The following EPYC variants were observed in gnomAD, a reference collection of about 807,000 sequenced individuals.
The protein encoded by EPYC is epiphycan.
EPYC carries 28 observed loss-of-function variants against 30.1 expected under a neutral mutation model. That is an observed-to-expected ratio of 0.93 (90% CI 0.69 to 1.28). The LOEUF (loss-of-function observed/expected upper bound fraction) is 1.28, where lower values mean the gene tolerates loss of function less well. Among genes scored for constraint, EPYC ranks in the 50% most tolerant of loss-of-function variants. The pLI is 0.00. For synonymous variants in EPYC, 144 were observed against 141.4 expected (o/e 1.02, Z -0.13); for missense variants, 382 against 383.5 (o/e 1.00, Z 0.03).
chr12:90,982,426 T>A (rs574131750), intron 2 of EPYC, among the ~76,000 whole-genome samples: 1 of 152,048 alleles, frequency 6.6e-6, no homozygotes, highest in Non-Finnish European at 1.5e-5. Flanking sequence ...TCTACAACCA[T>A]TAACAGCCAT....
intron 2 of EPYC, among the ~76,000 whole-genome samples, chr12:90,980,368 A>G (rs1877297220): frequency 1.3e-5 from 2 of 152,202 alleles, no homozygotes; most frequent in Non-Finnish European, 2.9e-5. Flanking sequence ...TTCCTTGCAA[A>G]TAAAACATAA....
intron 2 of EPYC, among the ~76,000 whole-genome samples, chr12:90,981,738 T>G (rs1770310679): frequency 6.6e-6 from 1 of 152,074 alleles, no homozygotes; most frequent in Admixed American, 6.6e-5. Flanking sequence ...ATCCACTGAG[T>G]CCTTTTAGTA....
intron 2 of EPYC, among the ~76,000 whole-genome samples, chr12:90,993,303 G>A (rs943205537): frequency 1.1e-4 from 16 of 152,102 alleles, no homozygotes; most frequent in Non-Finnish European, 1.5e-5. Flanking sequence ...GTGACTGATG[G>A]CATAGTTTAT....
In EPYC at chr12:90,991,157, A is replaced by C. The variant is rs996472282; in HGVS notation, c.165+11244T>G. On this transcript the variant is annotated intron_variant, in intron 2 of 6. Transcript: ENST00000261172. Reference sequence around the variant, plus strand: ...AATGGAGTATATAATATATATTTGCATACATGCTATTTAACTCTTTAAAGC... The same window carrying C: ...AATGGAGTATATAATATATATTTGCCTACATGCTATTTAACTCTTTAAAGC... Among the ~76,000 whole-genome samples the C allele has an allele frequency of 3.9e-5, 6 of 152,274 alleles. No homozygotes were observed. In the East Asian group the frequency reaches 9.6e-4, roughly 24 times the overall value.
chr12:90,983,253 G>A (rs1877363729), intron 2 of EPYC, among the ~76,000 whole-genome samples: 1 of 152,116 alleles, frequency 6.6e-6, no homozygotes, highest in Non-Finnish European at 1.5e-5. Flanking sequence ...CCTAAGCAAA[G>A]GCTACCATGA....
intron 2 of EPYC, among the ~76,000 whole-genome samples, chr12:90,996,294 T>C (rs1399553100): frequency 1.3e-5 from 2 of 151,910 alleles, no homozygotes; most frequent in Non-Finnish European, 1.5e-5. Flanking sequence ...CTGGAAGTTG[T>C]CCGGAATTAG....
chr12:90,974,788 G>A (rs1877144232), intron 3 of EPYC, among the ~76,000 whole-genome samples: 1 of 152,106 alleles, frequency 6.6e-6, no homozygotes, highest in Admixed American at 6.6e-5. Context: ...TAAGTTATCT[G>A]ACAGCCTTGA....
rs1877091856 is a variant in EPYC at position 90,972,970 on chromosome 12, G to C, written c.351C>G (p.Thr117=). 6.3e-7 allele frequency: 1 copy of C among 1,579,320 alleles called. No individual in the cohort carries two copies. The highest frequency in any genetic ancestry group is 1.8e-5 in the Admixed American group (1 of 55,614). Residue 117 remains threonine (T), a synonymous_variant, in exon 4 of 7, where the codon ACC becomes ACG. Transcript: ENST00000261172. ...TACTTATACAAGTACACAAAAGACA[G>C]GTTGGAAAGTCTAAAAGATAAAGGA... is the stretch of plus-strand genomic sequence containing the variant. ...LGPHTNEDFP[T]CLLCTCISTT...
At chr12:90,977,429 C>G in intron 3 of EPYC, among the ~76,000 whole-genome samples, 1 of 152,104 alleles carries the variant, frequency 6.6e-6, no homozygotes, top group East Asian at 1.9e-4. Flanking sequence ...GCAATATTTT[C>G]CTCTCTCTGT....
rs559290079 is a variant in EPYC, at chr12:90,967,595, C to T, written c.798+2449G>A. On this transcript the variant is annotated intron_variant, in intron 6 of 6. Coordinates refer to ENST00000261172, the MANE Select transcript of EPYC (RefSeq NM_004950.5). Reference sequence around the variant, plus strand: ...GAAATTGTTGGGTGGAATGTTCTGTCGATGACTGTTATGCCAAATTGGTTT... The same window carrying T: ...GAAATTGTTGGGTGGAATGTTCTGTTGATGACTGTTATGCCAAATTGGTTT... Among the ~76,000 whole-genome samples the T allele has an allele frequency of 3.1e-4, 47 of 152,260 alleles. No individual in the cohort carries two copies. In the South Asian group the frequency reaches 3.7e-3, roughly 12 times the overall value.
intron 2 of EPYC, among the ~76,000 whole-genome samples, chr12:90,997,395 T>C (rs1877718973): frequency 6.6e-6 from 1 of 152,052 alleles, no homozygotes; most frequent in African/African-American, 2.4e-5. Context: ...AGAGCCTCTA[T>C]ACATCTTAAT....
intron 5 of EPYC, among the ~76,000 whole-genome samples, chr12:90,970,444 T>G (rs1189308524): frequency 6.6e-6 from 1 of 152,228 alleles, no homozygotes; most frequent in Non-Finnish European, 1.5e-5. Flanking sequence ...GCAAGGCTGC[T>G]TCTTCCTATG....
At chr12:91,004,716 T>C (rs1219031010) in intron 1 of EPYC, among the ~76,000 whole-genome samples, 1 of 152,138 alleles carries the variant, frequency 6.6e-6, no homozygotes, top group Non-Finnish European at 1.5e-5. Flanking sequence ...TATTGGCATC[T>C]GTCATGACTA....
intron 2 of EPYC, among the ~76,000 whole-genome samples, chr12:90,987,963 G>A (rs1877492659): frequency 6.6e-6 from 1 of 152,048 alleles, no homozygotes; most frequent in African/African-American, 2.4e-5. Context: ...AGTCAGGGAA[G>A]GATAATTTTT....
intron 6 of EPYC, among the ~76,000 whole-genome samples, chr12:90,964,729 A>T (rs1876852902): frequency 3.3e-5 from 5 of 152,292 alleles, no homozygotes; most frequent in Admixed American, 2.6e-4. Flanking sequence ...GGCACAGAGA[A>T]CATCAGGTTT....
chr12:90,974,490 T>A (rs1877136127), intron 3 of EPYC, among the ~76,000 whole-genome samples: 1 of 152,056 alleles, frequency 6.6e-6, no homozygotes, highest in South Asian at 2.1e-4. Context: ...GCTTGGGGTT[T>A]GTTTGATGAA....
intron 2 of EPYC, 82 bp from the exon 3 acceptor site, chr12:90,978,344 A>T (rs1877244299): frequency 7.1e-7 from 1 of 1,399,628 alleles, no homozygotes; most frequent in Non-Finnish European, 9.6e-7. Flanking sequence ...TTTAAAATGT[A>T]CCCATATTTG....
chr12:90,967,893 C>A (rs1309951548), intron 6 of EPYC, among the ~76,000 whole-genome samples: 1 of 151,986 alleles, frequency 6.6e-6, no homozygotes, highest in African/African-American at 2.4e-5. Flanking sequence ...TTGCTTGAGC[C>A]CAGGTGTTTG....
chr12:90,983,324 T>C (rs564336675), intron 2 of EPYC, among the ~76,000 whole-genome samples: 45 of 152,252 alleles, frequency 3.0e-4, no homozygotes, highest in Admixed American at 5.2e-4. Flanking sequence ...GTGAGTACCA[T>C]TGGACCCCTT....
Sources: gnomAD v4.1 joint callset for allele counts (sites outside exome capture counted in the v4.1 genomes callset) on GRCh38, gnomAD v4.1.1 for gene constraint, MANE v1.5 for transcripts, NCBI Gene and HGNC (gene_info 2026-07-23, HGNC 2026-07-21) for gene names.